The following TYW1 variants were observed in gnomAD, a reference collection of about 807,000 sequenced individuals.
TYW1 encodes the protein S-adenosyl-L-methionine-dependent tRNA 4-demethylwyosine synthase TYW1.
A neutral mutation model predicts 96.2 loss-of-function variants in TYW1; 46 were observed. The observed-to-expected ratio is 0.48, with a 90% CI of 0.38 to 0.61. The LOEUF is 0.61. TYW1 is among the 20% of genes least tolerant of loss of function. The pLI, the probability that TYW1 is intolerant of heterozygous loss-of-function variation, is 0.00. For synonymous variants in TYW1, 274 were observed against 323.0 expected, an observed-to-expected ratio of 0.85 and a Z score of 1.63; for missense variants, 684 against 909.6, an observed-to-expected ratio of 0.75 and a Z score of 3.19.
At chr7:67,095,754 T>C (rs1425715385) in intron 11 of TYW1, among the ~76,000 whole-genome samples, 1 of 151,924 alleles carries the variant, frequency 6.6e-6, no homozygotes, top group Non-Finnish European at 1.5e-5. Context: ...TGCATCTCTT[T>C]GCCAGCCCCT....
chr7:67,184,655 TATGTTATGTTATGTTA>T (rs1280318640), intron 14 of TYW1, among the ~76,000 whole-genome samples: 2 of 51,208 alleles, frequency 3.9e-5, no homozygotes, highest in African/African-American at 2.3e-4. Flanking sequence ...TTATTTATGT[TATGTTATGTTATGTTA>T]TGTTATGTTA....
intron 14 of TYW1, among the ~76,000 whole-genome samples, chr7:67,188,334 A>G (rs1440535337): frequency 6.6e-6 from 1 of 152,190 alleles, no homozygotes; most frequent in Non-Finnish European, 1.5e-5. Context: ...AAAAATTAAT[A>G]AATAACAACA....
chr7:67,086,976 C>T lies in TYW1; in HGVS notation c.1384+3437C>T, dbSNP rs1764169156. Among the ~76,000 whole-genome samples the T allele has an allele frequency of 2.0e-5, 3 of 152,132 alleles. No homozygotes were observed. In the South Asian group the frequency reaches 6.2e-4, roughly 32 times the overall value. ...TGACTGAGGATGTGTGTTTCCTGGACATCCTGGAGTCTCCCTGAATGAACT... is the reference window on the plus strand; with the variant it reads ...TGACTGAGGATGTGTGTTTCCTGGATATCCTGGAGTCTCCCTGAATGAACT... On this transcript the variant is annotated intron_variant, in intron 11 of 15. Coordinates refer to ENST00000359626, the MANE Select transcript of TYW1 (RefSeq NM_018264.4).
At chr7:67,161,242 T>G (rs1799156420) in intron 13 of TYW1, among the ~76,000 whole-genome samples, 1 of 152,264 alleles carries the variant, frequency 6.6e-6, no homozygotes, top group African/African-American at 2.4e-5. Flanking sequence ...ATATTTATTT[T>G]AGAATCAGGT....
At chr7:67,029,407 G>A (rs183169083) in intron 7 of TYW1, among the ~76,000 whole-genome samples, 26,143 of 93,790 alleles carry the variant, frequency 0.28, 3,070 homozygotes, top group Admixed American at 0.32. Flanking sequence ...GTGTGTGTGT[G>A]TGTGTGTGTA....
intron 15 of TYW1, among the ~76,000 whole-genome samples, chr7:67,215,840 G>A (rs555601869): frequency 7.9e-5 from 12 of 152,212 alleles, no homozygotes; most frequent in African/African-American, 1.2e-4. Flanking sequence ...GGCTAGGCCC[G>A]TCTCTCCTTT....
At chr7:67,035,492 C>T (rs1481259899) in intron 7 of TYW1, among the ~76,000 whole-genome samples, 1 of 152,254 alleles carries the variant, frequency 6.6e-6, no homozygotes, top group East Asian at 1.9e-4. Context: ...ACTGCTCCCA[C>T]TTTTGACACC....
chr7:66,999,260 G>A (rs953783458), intron 3 of TYW1, among the ~76,000 whole-genome samples: 6 of 152,196 alleles, frequency 3.9e-5, no homozygotes, highest in Non-Finnish European at 5.9e-5. Flanking sequence ...GTCCATTATC[G>A]ATGCCCATGG....
intron 13 of TYW1, among the ~76,000 whole-genome samples, chr7:67,152,309 T>A (rs1798827510): frequency 6.6e-6 from 1 of 152,236 alleles, no homozygotes; most frequent in Non-Finnish European, 1.5e-5. Flanking sequence ...AAGACTTTAC[T>A]CATGAATTGC....
intron 13 of TYW1, among the ~76,000 whole-genome samples, chr7:67,135,301 A>ATTTTTTTT (rs1798211585): frequency 8.9e-6 from 1 of 112,302 alleles, no homozygotes; most frequent in African/African-American, 4.0e-5. Flanking sequence ...ATGTTAAAAC[A>ATTTTTTTT]GTTTTTTTTT....
chr7:67,194,706 A>G (rs929556608), intron 14 of TYW1, among the ~76,000 whole-genome samples: 7 of 150,958 alleles, frequency 4.6e-5, no homozygotes, highest in Admixed American at 2.0e-4. Context: ...TCTCAATTAT[A>G]CTAGAAAATG....
chr7:67,009,708 G>T (rs4717340), intron 4 of TYW1, 24 bp downstream of exon 4: 1 of 1,552,010 alleles, frequency 6.4e-7, no homozygotes. Flanking sequence ...TTTTTCTTCA[G>T]TCAAAACTCT....
chr7:67,058,598 C>T (rs1162369641), intron 9 of TYW1, among the ~76,000 whole-genome samples: 1 of 152,066 alleles, frequency 6.6e-6, no homozygotes, highest in Non-Finnish European at 1.5e-5. Context: ...ATCCTCCCTC[C>T]TCAGCCTCCC....
In TYW1 at chr7:67,164,089, C is replaced by T. The variant is rs140098495; in HGVS notation, c.1699-19037C>T. On this transcript the variant is annotated intron_variant, in intron 13 of 15. Transcript: ENST00000359626. ...TACTATTAAAAAGTGTGTATGTATACGTGTTTTCTGATCCCAAAACTTTTG... is the reference window on the plus strand; with the variant it reads ...TACTATTAAAAAGTGTGTATGTATATGTGTTTTCTGATCCCAAAACTTTTG... 1.4e-4 allele frequency among the ~76,000 whole-genome samples: 22 copies of T among 152,258 alleles called. No individual in the cohort carries two copies. In the East Asian group the frequency reaches 3.3e-3, roughly 23 times the overall value.
intron 11 of TYW1, among the ~76,000 whole-genome samples, chr7:67,094,046 G>T (rs1796807769): frequency 6.6e-6 from 1 of 151,926 alleles, no homozygotes; most frequent in Non-Finnish European, 1.5e-5. Flanking sequence ...TCCATCTTTA[G>T]GTCCGTGTGT....
intron 9 of TYW1, among the ~76,000 whole-genome samples, chr7:67,066,234 C>T (rs1795866139): frequency 6.6e-6 from 1 of 152,140 alleles, no homozygotes; most frequent in South Asian, 2.1e-4. Flanking sequence ...TCCCACTGAT[C>T]TTAGGAGAAA....
At chr7:67,008,076 T>C (rs543797419) in intron 3 of TYW1, among the ~76,000 whole-genome samples, 14 of 152,274 alleles carry the variant, frequency 9.2e-5, no homozygotes, top group African/African-American at 3.1e-4. Context: ...TCAGGTTCTA[T>C]AGGATGACTC....
intron 11 of TYW1, among the ~76,000 whole-genome samples, chr7:67,087,209 T>C (rs1344793701): frequency 6.6e-6 from 1 of 152,200 alleles, no homozygotes; most frequent in Non-Finnish European, 1.5e-5. Flanking sequence ...TTTAATAAAA[T>C]GTGTTAGGTG....
chr7:67,164,180 C>T (rs1387677941), intron 13 of TYW1, among the ~76,000 whole-genome samples: 3 of 151,528 alleles, frequency 2.0e-5, no homozygotes, highest in African/African-American at 7.3e-5. Context: ...TGCCATGCTG[C>T]GTTTATAAGT....
Sources: gnomAD v4.1 joint callset for allele counts (sites outside exome capture counted in the v4.1 genomes callset) on GRCh38, gnomAD v4.1.1 for gene constraint, MANE v1.5 for transcripts, NCBI Gene and HGNC (gene_info 2026-07-23, HGNC 2026-07-21) for gene names.